The following SLCO1B3 variants were observed in gnomAD, a reference collection of about 807,000 sequenced individuals.
The protein encoded by SLCO1B3 is liver-specific organic anion transporter 2.
A neutral mutation model predicts 71.8 loss-of-function variants in SLCO1B3; 72 were observed. That is an observed-to-expected ratio of 1.00 (90% CI 0.83 to 1.22). SLCO1B3 has a LOEUF of 1.22. Among genes scored for constraint, SLCO1B3 ranks in the 50% most tolerant of loss-of-function variants. The pLI, the probability that SLCO1B3 is intolerant of heterozygous loss-of-function variation, is 0.00. For synonymous variants in SLCO1B3, 298 were observed against 278.4 expected (o/e 1.07, Z -0.70); for missense variants, 911 against 819.7 (o/e 1.11, Z -1.36).
At chr12:20,851,968 T>G (rs1368357645) in intron 3 of SLCO1B3, among the ~76,000 whole-genome samples, 1 of 152,212 alleles carries the variant, frequency 6.6e-6, no homozygotes, top group Non-Finnish European at 1.5e-5. Context: ...CTTGTCCATA[T>G]AGGCAACAGT....
chr12:20,864,946 C>T (rs1865342738), intron 8 of SLCO1B3, among the ~76,000 whole-genome samples: 1 of 152,094 alleles, frequency 6.6e-6, no homozygotes, highest in African/African-American at 2.4e-5. Flanking sequence ...CACACTAAAA[C>T]TCATGTGCTC....
intron 12 of SLCO1B3, among the ~76,000 whole-genome samples, chr12:20,882,269 TA>T (rs1244258309): frequency 6.6e-6 from 1 of 152,168 alleles, no homozygotes; most frequent in Non-Finnish European, 1.5e-5. Flanking sequence ...ATTGTTAAAA[TA>T]ATGCTCTCTG....
intron 8 of SLCO1B3, among the ~76,000 whole-genome samples, chr12:20,866,748 A>G (rs964212992): frequency 6.6e-6 from 1 of 152,070 alleles, no homozygotes; most frequent in Non-Finnish European, 1.5e-5. Context: ...AATACCACAA[A>G]GTACACTTAT....
intron 1 of SLCO1B3, among the ~76,000 whole-genome samples, chr12:20,812,649 T>C (rs1391075929): frequency 1.3e-4 from 20 of 152,178 alleles, no homozygotes; most frequent in Non-Finnish European, 1.5e-5. Context: ...GTAAGTTTTA[T>C]TTTTGTTGTA....
At chr12:20,814,999 A>G (rs972982999) in intron 2 of SLCO1B3, among the ~76,000 whole-genome samples, 21 of 101,130 alleles carry the variant, frequency 2.1e-4, no homozygotes, top group African/African-American at 7.1e-4. Context: ...TTTTTTTTGC[A>G]TTTTTCAACT....
chr12:20,861,154 G>C lies in SLCO1B3; in HGVS notation c.481+16G>C. On this transcript the variant is annotated intron_variant, in intron 6 of 15. Coordinates refer to ENST00000381545, the MANE Select transcript of SLCO1B3 (RefSeq NM_019844.4). ...GTAGAAAAAGGTAAGAATTAATAGTGACAGTAAAACAAATTCTAGATTGAT... is the reference window on the plus strand; with the variant it reads ...GTAGAAAAAGGTAAGAATTAATAGTCACAGTAAAACAAATTCTAGATTGAT... 1.9e-6 allele frequency: 3 copies of C among 1,551,684 alleles called. No individual in the cohort carries two copies. The highest frequency in any genetic ancestry group is 2.6e-6 in the Non-Finnish European group (3 of 1,149,446).
At chr12:20,819,458 G>A (rs1864251901) in intron 3 of SLCO1B3, among the ~76,000 whole-genome samples, 2 of 152,290 alleles carry the variant, frequency 1.3e-5, no homozygotes, top group Middle Eastern at 6.8e-3. Flanking sequence ...GAGAGGCTTG[G>A]ATGACTGGTG....
At chr12:20,821,599 G>A (rs1259525955) in intron 3 of SLCO1B3, among the ~76,000 whole-genome samples, 3 of 152,110 alleles carry the variant, frequency 2.0e-5, no homozygotes, top group East Asian at 3.9e-4. Context: ...CTAGAAAAGC[G>A]GGACTTGCCA....
At chr12:20,868,582 G>A (rs1865415249) in intron 8 of SLCO1B3, among the ~76,000 whole-genome samples, 1 of 152,096 alleles carries the variant, frequency 6.6e-6, no homozygotes, top group African/African-American at 2.4e-5. Flanking sequence ...TCACTCAGTT[G>A]TAGGGACCAG....
chr12:20,895,380 A>G (rs1865984998), intron 13 of SLCO1B3, among the ~76,000 whole-genome samples: 1 of 152,290 alleles, frequency 6.6e-6, no homozygotes, highest in East Asian at 1.9e-4. Context: ...CCTAGATACA[A>G]TGGGGGTACA....
At chr12:20,828,090 A>G (rs1269632595) in intron 3 of SLCO1B3, among the ~76,000 whole-genome samples, 1 of 152,142 alleles carries the variant, frequency 6.6e-6, no homozygotes, top group African/African-American at 2.4e-5. Flanking sequence ...GTAGTTTTAA[A>G]TTTAGTCTCT....
chr12:20,897,654 C>T (rs980986994), intron 13 of SLCO1B3, among the ~76,000 whole-genome samples: 1 of 152,042 alleles, frequency 6.6e-6, no homozygotes, highest in Non-Finnish European at 1.5e-5. Context: ...TCCAACACTT[C>T]GAGGAGAAAA....
chr12:20,899,744 T>C (rs907736353), intron 14 of SLCO1B3, among the ~76,000 whole-genome samples: 1 of 152,282 alleles, frequency 6.6e-6, no homozygotes, highest in East Asian at 1.9e-4. Flanking sequence ...CCTTCTGATA[T>C]GTTGAAATGA....
At chr12:20,884,633 C>A (rs369754233) in intron 13 of SLCO1B3, among the ~76,000 whole-genome samples, 1 of 151,960 alleles carries the variant, frequency 6.6e-6, no homozygotes, top group African/African-American at 2.4e-5. Flanking sequence ...TCACCTAAAA[C>A]GGGAAACATG....
intron 13 of SLCO1B3, among the ~76,000 whole-genome samples, chr12:20,886,326 C>G (rs959743017): frequency 1.3e-5 from 2 of 152,046 alleles, no homozygotes; most frequent in African/African-American, 4.8e-5. Flanking sequence ...GCCATAGACA[C>G]AAATCTAGAG....
intron 3 of SLCO1B3, among the ~76,000 whole-genome samples, chr12:20,831,941 G>A (rs774023859): frequency 5.1e-4 from 78 of 152,248 alleles, no homozygotes; most frequent in Non-Finnish European, 1.1e-3. Flanking sequence ...TCAACCAGAT[G>A]TTATTATCTC....
intron 13 of SLCO1B3, among the ~76,000 whole-genome samples, chr12:20,890,207 C>A (rs1055074486): frequency 1.4e-5 from 2 of 143,548 alleles, no homozygotes; most frequent in African/African-American, 5.0e-5. Context: ...GTGTGAGCCA[C>A]CACACCCAGC....
intron 3 of SLCO1B3, 120 bp from the exon 4 acceptor site, chr12:20,854,908 G>A (rs979288531): frequency 2.2e-6 from 2 of 894,778 alleles, no homozygotes; most frequent in Middle Eastern, 3.4e-4. Flanking sequence ...GGAAAAATGG[G>A]TATTTTTTTA....
At chr12:20,878,723 C>A (rs1218924214) in intron 10 of SLCO1B3, among the ~76,000 whole-genome samples, 1 of 152,130 alleles carries the variant, frequency 6.6e-6, no homozygotes, top group East Asian at 1.9e-4. Context: ...TCCCAATAAC[C>A]TGGCTTGAAT....
Sources: gnomAD v4.1 joint callset for allele counts (sites outside exome capture counted in the v4.1 genomes callset) on GRCh38, gnomAD v4.1.1 for gene constraint, MANE v1.5 for transcripts, NCBI Gene and HGNC (gene_info 2026-07-23, HGNC 2026-07-21) for gene names.